The following PLEKHA7 variants were observed in gnomAD, a reference collection of about 807,000 sequenced individuals.
PLEKHA7 encodes pleckstrin homology domain-containing family A member 7.
Under a neutral mutation model 170.0 loss-of-function variants are expected in PLEKHA7, and 104 were observed. The observed-to-expected ratio is 0.61, with a 90% CI of 0.52 to 0.72. The LOEUF (loss-of-function observed/expected upper bound fraction) is 0.72, where lower values mean the gene tolerates loss of function less well. PLEKHA7 is among the 30% of genes least tolerant of loss of function. The probability of loss-of-function intolerance (pLI) is 0.00; values close to 1 mark genes in which losing one functional copy is unlikely to be tolerated. For missense variants in PLEKHA7, 1,615 were observed against 1,671.7 expected, an observed-to-expected ratio of 0.97 and a Z score of 0.59; for synonymous variants, 648 against 660.8, an observed-to-expected ratio of 0.98 and a Z score of 0.30.
At chr11:16,867,277 G>T (rs939849019) in intron 4 of PLEKHA7, among the ~76,000 whole-genome samples, 2 of 152,186 alleles carry the variant, frequency 1.3e-5, no homozygotes, top group African/African-American at 4.8e-5. Context: ...TAGGCCTGGG[G>T]TGGGGCCAAG....
chr11:16,847,633 C>G (rs1852553155), intron 8 of PLEKHA7, among the ~76,000 whole-genome samples: 1 of 151,890 alleles, frequency 6.6e-6, no homozygotes, highest in African/African-American at 2.4e-5. Context: ...AATTTGAGAC[C>G]AGCCTGGCCA....
intron 3 of PLEKHA7, among the ~76,000 whole-genome samples, chr11:16,978,782 T>C (rs1242306206): frequency 1.3e-5 from 2 of 152,212 alleles, no homozygotes; most frequent in South Asian, 2.1e-4. Flanking sequence ...GTCTGTACTT[T>C]TGACTACCTC....
At chr11:16,877,206 T>C (rs1855365752) in intron 3 of PLEKHA7, among the ~76,000 whole-genome samples, 1 of 151,866 alleles carries the variant, frequency 6.6e-6, no homozygotes, top group Non-Finnish European at 1.5e-5. Context: ...CCTGCAGGCC[T>C]GCAGCCACAT....
At chr11:16,833,255 G>A (rs1221495860) in intron 9 of PLEKHA7, among the ~76,000 whole-genome samples, 2 of 152,128 alleles carry the variant, frequency 1.3e-5, no homozygotes, top group African/African-American at 4.8e-5. Flanking sequence ...AGAAGAGCGA[G>A]GCTGCAGAAT....
At chr11:17,010,666 C>T (rs1159555949) in intron 3 of PLEKHA7, among the ~76,000 whole-genome samples, 2 of 152,192 alleles carry the variant, frequency 1.3e-5, no homozygotes, top group Non-Finnish European at 1.5e-5. Flanking sequence ...CAACTGAATA[C>T]ATCCTGTAAA....
At chr11:16,967,291 T>C (rs919963491) in intron 3 of PLEKHA7, among the ~76,000 whole-genome samples, 1 of 152,128 alleles carries the variant, frequency 6.6e-6, no homozygotes, top group African/African-American at 2.4e-5. Flanking sequence ...TCCAGCAACC[T>C]CTAGGATAGC....
intron 10 of PLEKHA7, among the ~76,000 whole-genome samples, chr11:16,818,986 G>C (rs1564957227): frequency 6.7e-6 from 1 of 149,950 alleles, no homozygotes; most frequent in Non-Finnish European, 1.5e-5. Context: ...TGTATTTTTA[G>C]TAGAGACAGG....
At chr11:16,969,059 G>A (rs572812607) in intron 3 of PLEKHA7, among the ~76,000 whole-genome samples, 2 of 152,286 alleles carry the variant, frequency 1.3e-5, no homozygotes, top group South Asian at 4.1e-4. Flanking sequence ...GCCATGCAAA[G>A]GAAACTGAAG....
At chr11:16,970,476 A>G (rs1353059619) in intron 3 of PLEKHA7, among the ~76,000 whole-genome samples, 1 of 152,124 alleles carries the variant, frequency 6.6e-6, no homozygotes, top group Non-Finnish European at 1.5e-5. Context: ...CCTGTGCAAC[A>G]AAGTGAGACC....
intron 3 of PLEKHA7, among the ~76,000 whole-genome samples, chr11:16,891,820 A>C (rs1448016976): frequency 6.6e-6 from 1 of 152,206 alleles, no homozygotes; most frequent in Non-Finnish European, 1.5e-5. Flanking sequence ...TAAGTGGGTT[A>C]ACACCACCAC....
chr11:16,940,614 A>C (rs947893510), intron 3 of PLEKHA7, among the ~76,000 whole-genome samples: 4 of 152,152 alleles, frequency 2.6e-5, no homozygotes, highest in Non-Finnish European at 5.9e-5. Flanking sequence ...CTGGTGGCTA[A>C]CAGATGCTTT....
intron 3 of PLEKHA7, among the ~76,000 whole-genome samples, chr11:16,948,626 GCACA>G (rs149014953): frequency 0.073 from 10,223 of 140,306 alleles, 1,125 homozygotes; most frequent in African/African-American, 0.25. Context: ...ACACACATGT[GCACA>G]CACACAGAGT....
intron 3 of PLEKHA7, among the ~76,000 whole-genome samples, chr11:17,002,972 T>TAAGGAC (rs1864759839): frequency 6.9e-6 from 1 of 144,984 alleles, no homozygotes; most frequent in African/African-American, 2.5e-5. Context: ...ATCCTTTAAG[T>TAAGGAC]ACCAGAATAG....
chr11:16,939,815 CAA>C (rs1223481677), intron 3 of PLEKHA7, among the ~76,000 whole-genome samples: 2 of 152,146 alleles, frequency 1.3e-5, no homozygotes, highest in Non-Finnish European at 1.5e-5. Flanking sequence ...TGGTTTGCTG[CAA>C]AGTTTATGAA....
At chr11:16,803,483 C>A (rs1403115934) in intron 13 of PLEKHA7, 188 bp from the exon 14 acceptor site, 4 of 587,096 alleles carry the variant, frequency 6.8e-6, no homozygotes, top group South Asian at 4.4e-5. Flanking sequence ...TAGGAAAAAA[C>A]CAAAACCTTT....
intron 3 of PLEKHA7, among the ~76,000 whole-genome samples, chr11:16,889,420 A>AAAAAAAAAATATATATATATATAT (rs61086849): frequency 4.0e-5 from 3 of 74,686 alleles, no homozygotes; most frequent in African/African-American, 1.3e-4. Context: ...AAAAAAAAAA[A>AAAAAAAAAATATATATATATATAT]ATATATATAT....
At chr11:16,828,701 T>C (rs1046234385) in intron 9 of PLEKHA7, among the ~76,000 whole-genome samples, 1 of 152,182 alleles carries the variant, frequency 6.6e-6, no homozygotes, top group Admixed American at 6.5e-5. Flanking sequence ...CAATTTTCAT[T>C]TGGGAATCAC....
At chr11:16,927,512 G>A (rs924182765) in intron 3 of PLEKHA7, among the ~76,000 whole-genome samples, 16 of 151,706 alleles carry the variant, frequency 1.1e-4, no homozygotes, top group Non-Finnish European at 2.1e-4. Context: ...CTCTAGCCTC[G>A]TTTCATGTAC....
At chr11:17,011,079 C>G (rs1005445862) in intron 3 of PLEKHA7, among the ~76,000 whole-genome samples, 3 of 152,162 alleles carry the variant, frequency 2.0e-5, no homozygotes, top group Non-Finnish European at 2.9e-5. Flanking sequence ...TTAGGGACCT[C>G]ACAGACAAGT....
Sources: allele counts gnomAD v4.1 joint callset (sites outside exome capture counted in the v4.1 genomes callset), GRCh38; gene constraint gnomAD v4.1.1; transcripts MANE v1.5; gene names NCBI Gene and HGNC (gene_info 2026-07-23, HGNC 2026-07-21).